Variants in GPC5 observed in about 807,000 individuals in gnomAD.
GPC5 encodes glypican-5.
A neutral mutation model predicts 53.9 loss-of-function variants in GPC5; 47 were observed. That is an observed-to-expected ratio of 0.87 (90% CI 0.69 to 1.11). The LOEUF is 1.11. Ranked by LOEUF, GPC5 falls within the 50% of genes most tolerant of loss-of-function variation. The probability of loss-of-function intolerance (pLI) is 0.00; values close to 1 mark genes in which losing one functional copy is unlikely to be tolerated. For missense variants in GPC5, 748 were observed against 713.1 expected (o/e 1.05, Z -0.56); for synonymous variants, 286 against 263.3 (o/e 1.09, Z -0.84).
intron 7 of GPC5, among the ~76,000 whole-genome samples, chr13:92,184,923 A>C (rs757015512): frequency 5.9e-5 from 9 of 152,212 alleles, no homozygotes; most frequent in Non-Finnish European, 1.0e-4. Context: ...TTGGGCAAAC[A>C]CACAACAGTG....
At chr13:92,198,776 T>A (rs1382264299) in intron 7 of GPC5, among the ~76,000 whole-genome samples, 2 of 152,114 alleles carry the variant, frequency 1.3e-5, no homozygotes, top group Admixed American at 1.3e-4. Flanking sequence ...CCCAAAAAAA[T>A]TATTTCTGAC....
At position 91,880,939 on chromosome 13, in the gene GPC5, C is replaced by T. The variant is rs552233593; in HGVS notation, c.1281-26998C>T. 7.9e-5 allele frequency among the ~76,000 whole-genome samples: 12 copies of T among 152,122 alleles called. No individual in the cohort carries two copies. The South Asian group carries it at 1.5e-3, about 18-fold the overall frequency. On this transcript the variant is annotated intron_variant, in intron 5 of 7. Coordinates refer to ENST00000377067, the MANE Select transcript of GPC5 (RefSeq NM_004466.6). ...TCCAGTGGCTGGAATTACAGGCGTC[C>T]GCCACCACACAGGGCTAATTTTTGT... is the stretch of plus-strand genomic sequence containing the variant.
intron 7 of GPC5, among the ~76,000 whole-genome samples, chr13:92,251,470 T>C (rs1470593077): frequency 2.0e-5 from 3 of 152,126 alleles, no homozygotes; most frequent in Non-Finnish European, 2.9e-5. Flanking sequence ...GTCTTCACTC[T>C]CAATATCTCT....
intron 1 of GPC5, among the ~76,000 whole-genome samples, chr13:91,434,956 A>G (rs1393046835): frequency 1.3e-5 from 2 of 152,114 alleles, no homozygotes; most frequent in African/African-American, 2.4e-5. Context: ...GCAATTGTGA[A>G]TGGGAGTTCA....
At chr13:92,725,317 G>A (rs749104754) in intron 7 of GPC5, among the ~76,000 whole-genome samples, 15 of 151,460 alleles carry the variant, frequency 9.9e-5, no homozygotes, top group East Asian at 9.7e-4. Flanking sequence ...AGTACCCTCC[G>A]TTATATATCT....
chr13:91,528,478 A>G (rs191295827), intron 2 of GPC5, among the ~76,000 whole-genome samples: 1 of 152,202 alleles, frequency 6.6e-6, no homozygotes, highest in Admixed American at 6.5e-5. Context: ...TTCATTGTCC[A>G]TGTCGTTATC....
chr13:91,411,299 CTACTT>C (rs1319170700), intron 1 of GPC5, among the ~76,000 whole-genome samples: 1 of 152,216 alleles, frequency 6.6e-6, no homozygotes, highest in Non-Finnish European at 1.5e-5. Context: ...AGTTACTTCT[CTACTT>C]TATTGTGTTC....
chr13:92,602,240 ATATATAT>A (rs1884096570), intron 7 of GPC5, among the ~76,000 whole-genome samples: 2 of 79,998 alleles, frequency 2.5e-5, no homozygotes, highest in Admixed American at 1.2e-4. Flanking sequence ...TAACATATAT[ATATATAT>A]ATATATATAT....
At chr13:92,138,433 T>C (rs1469888699) in intron 6 of GPC5, among the ~76,000 whole-genome samples, 1 of 151,812 alleles carries the variant, frequency 6.6e-6, no homozygotes. Context: ...CACAGGAGAA[T>C]TGCTTGAACC....
At chr13:92,367,280 T>C (rs2043614016) in intron 7 of GPC5, among the ~76,000 whole-genome samples, 1 of 152,236 alleles carries the variant, frequency 6.6e-6, no homozygotes, top group African/African-American at 2.4e-5. Context: ...GTATATTTTG[T>C]AAATGATCTT....
intron 6 of GPC5, among the ~76,000 whole-genome samples, chr13:92,061,819 T>C (rs1797511448): frequency 1.3e-5 from 2 of 151,934 alleles, no homozygotes; most frequent in South Asian, 4.1e-4. Context: ...AGCCAGCAAA[T>C]AAGTCTGTGG....
chr13:91,804,505 A>G (rs1400965178), intron 5 of GPC5, among the ~76,000 whole-genome samples: 1 of 152,200 alleles, frequency 6.6e-6, no homozygotes, highest in Non-Finnish European at 1.5e-5. Context: ...TCTTTTGCTT[A>G]AAGCTAATGT....
At chr13:92,749,110 C>T (rs1194020432) in intron 7 of GPC5, among the ~76,000 whole-genome samples, 2 of 152,140 alleles carry the variant, frequency 1.3e-5, no homozygotes, top group African/African-American at 4.8e-5. Context: ...TCTGGGACTA[C>T]TCTTACATTC....
intron 5 of GPC5, among the ~76,000 whole-genome samples, chr13:91,785,497 C>T (rs767959766): frequency 8.3e-5 from 12 of 144,004 alleles, no homozygotes; most frequent in South Asian, 2.1e-4. Context: ...TACATGAATA[C>T]GATATTGATT....
intron 7 of GPC5, among the ~76,000 whole-genome samples, chr13:92,639,042 C>T (rs1885504547): frequency 2.0e-5 from 3 of 152,148 alleles, no homozygotes; most frequent in South Asian, 4.1e-4. Flanking sequence ...GGGCATGTTG[C>T]ATAGTATCTT....
chr13:92,547,116 A>G (rs529067656), intron 7 of GPC5, among the ~76,000 whole-genome samples: 7 of 152,334 alleles, frequency 4.6e-5, no homozygotes, highest in Middle Eastern at 3.4e-3. Flanking sequence ...TTCTAGGTGC[A>G]TTCACATTTG....
chr13:91,804,488 C>G lies in GPC5; in HGVS notation c.1280+48068C>G, dbSNP rs370531993. Among the ~76,000 whole-genome samples the G allele has an allele frequency of 5.9e-4, 90 of 152,276 alleles. 2 individuals are homozygous for G. The South Asian group carries it at 0.018, about 30-fold the overall frequency. On this transcript the variant is annotated intron_variant, in intron 5 of 7. Coordinates refer to ENST00000377067, the MANE Select transcript of GPC5 (RefSeq NM_004466.6). ...CATAACACATAATTTGGAAAAATTT[C>G]TTGACATCTTTTGCTTAAAGCTAAT...
chr13:91,555,291 A>T (rs930369854), intron 2 of GPC5, among the ~76,000 whole-genome samples: 1 of 152,086 alleles, frequency 6.6e-6, no homozygotes, highest in African/African-American at 2.4e-5. Flanking sequence ...TGACTCCTGC[A>T]TGCCAAGGTG....
chr13:92,024,648 A>T (rs2040786210), intron 6 of GPC5, among the ~76,000 whole-genome samples: 1 of 152,114 alleles, frequency 6.6e-6, no homozygotes, highest in African/African-American at 2.4e-5. Context: ...TGTTCCTCTT[A>T]TTCTTACCTC....
Sources: gnomAD v4.1 joint callset for allele counts (sites outside exome capture counted in the v4.1 genomes callset) on GRCh38, gnomAD v4.1.1 for gene constraint, MANE v1.5 for transcripts, NCBI Gene and HGNC (gene_info 2026-07-23, HGNC 2026-07-21) for gene names.